LRRC8C: variants seen among roughly 807,000 people sequenced by gnomAD.
LRRC8C encodes volume-regulated anion channel subunit LRRC8C.
A neutral mutation model predicts 55.3 loss-of-function variants in LRRC8C; 20 were observed. That is an observed-to-expected ratio of 0.36 (90% CI 0.25 to 0.53). LRRC8C has a LOEUF of 0.53. Ranked by LOEUF, LRRC8C falls within the 20% of genes least tolerant of loss-of-function variation. The pLI is 0.92. For missense variants in LRRC8C, 659 were observed against 951.4 expected (o/e 0.69, Z 4.04); for synonymous variants, 376 against 360.7 (o/e 1.04, Z -0.48).
At chr1:89,641,018 T>C (rs1328961829) in intron 1 of LRRC8C, among the ~76,000 whole-genome samples, 1 of 152,254 alleles carries the variant, frequency 6.6e-6, no homozygotes, top group East Asian at 1.9e-4. Context: ...GTATTTGTTT[T>C]GTTAAATTTG....
chr1:89,618,351 A>G, the LRRC8C span, among the ~76,000 whole-genome samples: 1 of 152,236 alleles, frequency 6.6e-6, no homozygotes, highest in Non-Finnish European at 1.5e-5. Flanking sequence ...TCCTACTGAG[A>G]TTTACAAACC....
intron 1 of LRRC8C, among the ~76,000 whole-genome samples, chr1:89,660,376 TAAAAC>T (rs915794805): frequency 2.0e-5 from 3 of 152,220 alleles, no homozygotes; most frequent in African/African-American, 7.2e-5. Flanking sequence ...TGAGGACCTC[TAAAAC>T]AAAACAAAAC....
At chr1:89,653,453 A>G (rs1356829071) in intron 1 of LRRC8C, among the ~76,000 whole-genome samples, 2 of 152,268 alleles carry the variant, frequency 1.3e-5, no homozygotes, top group Non-Finnish European at 2.9e-5. Flanking sequence ...GTCACAAGAC[A>G]ATGAATTTAA....
the LRRC8C span, among the ~76,000 whole-genome samples, chr1:89,622,225 G>A: frequency 6.6e-6 from 1 of 152,178 alleles, no homozygotes; most frequent in Non-Finnish European, 1.5e-5. Context: ...ATGAGGCTAG[G>A]CAAGTGACAT....
chr1:89,617,998 C>T, the LRRC8C span, among the ~76,000 whole-genome samples: 16 of 152,134 alleles, frequency 1.1e-4, no homozygotes, highest in Non-Finnish European at 1.6e-4. Flanking sequence ...CAGGAAGCTC[C>T]CCTGAGCCTT....
chr1:89,707,031 G>T (rs897677132), intron 2 of LRRC8C, among the ~76,000 whole-genome samples: 5 of 152,074 alleles, frequency 3.3e-5, no homozygotes, highest in Non-Finnish European at 7.3e-5. Flanking sequence ...ACAAGTTTAT[G>T]TGTACATTTT....
At position 89,637,128 on chromosome 1, in the gene LRRC8C, G is replaced by A. The variant is rs139433122; in HGVS notation, c.-5+3806G>A. ...GCTGTCATTCTTAAACAAAGCCTTGGACATTAGGTACCATGTAAGATAGCT... is the reference window on the plus strand; with the variant it reads ...GCTGTCATTCTTAAACAAAGCCTTGAACATTAGGTACCATGTAAGATAGCT... On this transcript the variant is annotated intron_variant, in intron 1 of 2. Coordinates refer to ENST00000370454, the MANE Select transcript of LRRC8C (RefSeq NM_032270.5). Among the ~76,000 whole-genome samples the A allele has an allele frequency of 4.8e-4, 73 of 152,112 alleles. 1 individual carries two copies. The East Asian group carries it at 9.5e-3, about 20-fold the overall frequency.
chr1:89,693,646 C>CTTTTTTTTTTTTTTT (rs35427989), intron 2 of LRRC8C, among the ~76,000 whole-genome samples: 1 of 82,692 alleles, frequency 1.2e-5, no homozygotes, highest in East Asian at 2.4e-4. Flanking sequence ...TCTTTTCTTC[C>CTTTTTTTTTTTTTTT]TTTTTTTTTT....
chr1:89,648,212 T>C (rs973219273), intron 1 of LRRC8C, among the ~76,000 whole-genome samples: 1 of 152,226 alleles, frequency 6.6e-6, no homozygotes, highest in African/African-American at 2.4e-5. Flanking sequence ...AGATTATTCA[T>C]TGAATTCCTA....
intron 1 of LRRC8C, among the ~76,000 whole-genome samples, chr1:89,671,065 T>A (rs544824981): frequency 4.8e-4 from 73 of 152,304 alleles, no homozygotes; most frequent in African/African-American, 1.7e-3. Context: ...TTCTTTTTAT[T>A]TTTTTGAGAT....
At chr1:89,706,447 A>G (rs1354358110) in intron 2 of LRRC8C, 1 of 432,388 alleles carries the variant, frequency 2.3e-6, no homozygotes, top group East Asian at 7.1e-5. Context: ...AACTGCCTAA[A>G]TAAGTGTCAT....
At chr1:89,626,468 A>G in the LRRC8C span, 4 of 152,208 alleles carry the variant, frequency 2.6e-5, no homozygotes, top group Non-Finnish European at 4.4e-5. Context: ...CACGCCAATC[A>G]TAAGTGGCAG....
chr1:89,637,607 A>T (rs1399241153), intron 1 of LRRC8C, among the ~76,000 whole-genome samples: 1 of 152,146 alleles, frequency 6.6e-6, no homozygotes, highest in African/African-American at 2.4e-5. Flanking sequence ...TGTGGGGTCA[A>T]GATGGGCAAG....
chr1:89,633,853 G>A (rs1468099093), intron 1 of LRRC8C, among the ~76,000 whole-genome samples: 1 of 152,212 alleles, frequency 6.6e-6, no homozygotes, highest in African/African-American at 2.4e-5. Context: ...AGGACAGGAG[G>A]GAAGGGGTTC....
rs1658788371 is a variant in LRRC8C, at chr1:89,715,356, T to C, written c.*374T>C. The C allele has an allele frequency of 6.4e-6, 1 of 156,208 alleles. No homozygotes were observed. The highest frequency in any genetic ancestry group is 2.4e-5 in the African/African-American group (1 of 41,594). 9.7% of individuals were successfully genotyped at this position (156,208 alleles called of 1,614,324 possible). ...GCCATTTTTAACTTGTTTACACCTG[T>C]ACAGGGTTCTTATTTTTGTTTTCAT... is the stretch of plus-strand genomic sequence containing the variant. On this transcript the variant is annotated 3_prime_UTR_variant, in exon 3 of 3. Coordinates refer to ENST00000370454, the MANE Select transcript of LRRC8C (RefSeq NM_032270.5).
chr1:89,639,635 T>G (rs1257738681), intron 1 of LRRC8C, among the ~76,000 whole-genome samples: 1 of 152,240 alleles, frequency 6.6e-6, no homozygotes, highest in Non-Finnish European at 1.5e-5. Flanking sequence ...CTCTGTTTGA[T>G]TTTTGGAGCT....
At position 89,713,585 on chromosome 1, in the gene LRRC8C, T is replaced by C; in HGVS notation, c.1015T>C (p.Tyr339His). 6.2e-7 allele frequency: 1 copy of C among 1,614,208 alleles called. No individual in the cohort carries two copies. The highest frequency in any genetic ancestry group is 8.5e-7 in the Non-Finnish European group (1 of 1,180,020). The change falls in exon 3 of 3, where the codon TAC (tyrosine) becomes CAC (histidine). Residue 339 changes from tyrosine (Y) to histidine (H), a missense_variant. Transcript: ENST00000370454. The surrounding 1 kb of genome is among the most constrained non-coding windows in gnomAD (Gnocchi z 5.2). ...TGGATTGACGTGCCTTTATACCTTA[T>C]ACTGGCTGTTCTACCGTTCTCTACG... The part of the protein sequence containing the change: ...IYGLTCLYTL[Y>H]WLFYRSLREY...
At chr1:89,673,618 A>G (rs1039055100) in intron 1 of LRRC8C, among the ~76,000 whole-genome samples, 2 of 152,200 alleles carry the variant, frequency 1.3e-5, no homozygotes, top group African/African-American at 4.8e-5. Flanking sequence ...AAGATATTAC[A>G]CTTAGACCAT....
chr1:89,628,309 CAA>C (rs1236453704), upstream of LRRC8C, among the ~76,000 whole-genome samples: 1 of 152,148 alleles, frequency 6.6e-6, no homozygotes, highest in African/African-American at 2.4e-5. Context: ...AAAAGCATAA[CAA>C]ATTTATTTGA....
Sources: gnomAD v4.1 joint callset for allele counts (sites outside exome capture counted in the v4.1 genomes callset) on GRCh38, gnomAD v4.1.1 for gene constraint, Gnocchi (gnomAD v3.1) non-coding constraint, MANE v1.5 for transcripts, NCBI Gene and HGNC (gene_info 2026-07-23, HGNC 2026-07-21) for gene names.